Variants in TNRC6A observed in about 807,000 individuals in gnomAD.
TNRC6A encodes the protein trinucleotide repeat-containing gene 6A protein.
Under a neutral mutation model 221.2 loss-of-function variants are expected in TNRC6A, and 44 were observed. The ratio of observed to expected loss-of-function variants is 0.20; its 90% CI spans 0.16 to 0.26. The LOEUF is 0.26. Among genes scored for constraint, TNRC6A ranks in the 10% least tolerant of loss-of-function variants. The pLI, the probability that TNRC6A is intolerant of heterozygous loss-of-function variation, is 1.00. For synonymous variants in TNRC6A, 847 were observed against 838.5 expected (o/e 1.01, Z -0.18); for missense variants, 2,199 against 2,404.4 (o/e 0.91, Z 1.79).
At position 24,722,978 on chromosome 16, in the gene TNRC6A, G is replaced by A. The variant is rs149783591; in HGVS notation, n.403-27748G>A. ...CTAAGTGACTGGTGGTGTTATTACC[G>A]ACTTGGGGGAAAACTGGGAAAGGGT... is the stretch of plus-strand genomic sequence containing the variant. On this transcript the variant is annotated intron_variant and non_coding_transcript_variant, in intron 2 of 2. Transcript: ENST00000566108. 4.5e-3 allele frequency among the ~76,000 whole-genome samples: 688 copies of A among 152,198 alleles called. 3 individuals are homozygous for A. The highest frequency in any genetic ancestry group is 0.014 in the Middle Eastern group (4 of 294).
At chr16:24,691,094 G>A (rs1048868782) in intron 2 of TNRC6A, among the ~76,000 whole-genome samples, 1 of 152,166 alleles carries the variant, frequency 6.6e-6, no homozygotes, top group African/African-American at 2.4e-5. Flanking sequence ...ACAGGCCTGA[G>A]CCACCGCACC....
Position 24,823,574 on chromosome 16 carries a change from G to A in TNRC6A, c.5656G>A (p.Asp1886Asn), listed in dbSNP as rs776918603. Reference sequence around the variant, plus strand: ...CAGCCAGAGCCGGCTGGGCTCCCTCGACTGTTCCCACTCATTCTCCAGCCG... The same window carrying A: ...CAGCCAGAGCCGGCTGGGCTCCCTCAACTGTTCCCACTCATTCTCCAGCCG... ...GSSQSRLGSL[D>N]CSHSFSSRTD... The change falls in exon 25 of 25, where the codon GAC becomes AAC. Residue 1886 changes from aspartate (D) to asparagine (N), a missense_variant. Physicochemically the swap from Asp to Asn is conservative, Grantham distance 23. Coordinates refer to ENST00000395799, the MANE Select transcript of TNRC6A (RefSeq NM_014494.4). The surrounding 1 kb of genome is among the most constrained non-coding windows in gnomAD (Gnocchi z 4.3). The A allele has an allele frequency of 9.3e-6, 15 of 1,613,950 alleles. No homozygotes were observed. The highest frequency in any genetic ancestry group is 3.3e-5 in the Admixed American group (2 of 59,992).
intron 1 of TNRC6A, among the ~76,000 whole-genome samples, chr16:24,617,578 C>T (rs945481003): frequency 4.6e-5 from 7 of 152,132 alleles, no homozygotes; most frequent in African/African-American, 1.7e-4. Flanking sequence ...ATAGCACTTA[C>T]CCTGTGTCAA....
chr16:24,798,037 A>G (rs1169189017), intron 11 of TNRC6A, 71 bp downstream of exon 11: 11 of 1,395,208 alleles, frequency 7.9e-6, no homozygotes, highest in Non-Finnish European at 1.1e-5. Context: ...ATTCTACTGA[A>G]AGAGCCCTGA....
intron 4 of TNRC6A, among the ~76,000 whole-genome samples, chr16:24,761,625 G>A (rs537387266): frequency 4.6e-5 from 7 of 151,886 alleles, no homozygotes; most frequent in South Asian, 2.1e-4. Flanking sequence ...AGCTCACTGC[G>A]GCCTTGAACT....
At chr16:24,686,088 C>T (rs1027470261) in intron 2 of TNRC6A, among the ~76,000 whole-genome samples, 2 of 152,158 alleles carry the variant, frequency 1.3e-5, no homozygotes, top group African/African-American at 4.8e-5. Flanking sequence ...GACCTGGCTT[C>T]GTGGGGGTTA....
chr16:24,737,076 G>C (rs1251115482), intron 2 of TNRC6A, among the ~76,000 whole-genome samples: 1 of 152,048 alleles, frequency 6.6e-6, no homozygotes, highest in African/African-American at 2.4e-5. Context: ...CCAGACCAAG[G>C]GTTCTCATCC....
Position 24,656,130 on chromosome 16 carries a change from A to G in TNRC6A, n.402+15121A>G, listed in dbSNP as rs572599813. Among the ~76,000 whole-genome samples, 6 of 147,198 alleles carry G rather than the reference A, an allele frequency of 4.1e-5. No homozygotes were observed. The East Asian group carries it at 1.2e-3, about 29-fold the overall frequency. On this transcript the variant is annotated intron_variant and non_coding_transcript_variant, in intron 2 of 2. Coordinates refer to the TNRC6A transcript ENST00000566108. ...GCACTCTAGCCAGGGTGACAGAACA[A>G]GACCTTGTCTCAAAAAAAAAAAAAA...
chr16:24,618,275 A>T (rs965145824), intron 1 of TNRC6A, among the ~76,000 whole-genome samples: 1 of 152,178 alleles, frequency 6.6e-6, no homozygotes, highest in African/African-American at 2.4e-5. Flanking sequence ...TAATTACAGA[A>T]AACATCAATT....
In TNRC6A at chr16:24,682,389, C is replaced by CTTTTT. The variant is rs563276976; in HGVS notation, n.402+41393_402+41397dup. ...TACAGGCGTGCACCACCACGCCCAG[C>CTTTTT]TTTTTTTTTTTTTTTTTCAGTAGAG... On this transcript the variant is annotated intron_variant and non_coding_transcript_variant, in intron 2 of 2. Transcript: ENST00000566108. 4.6e-5 allele frequency among the ~76,000 whole-genome samples: 6 copies of CTTTTT among 130,404 alleles called. No homozygotes were observed. The East Asian group carries it at 6.8e-4, about 15-fold the overall frequency. The allele number at this position is 130,404 out of a possible 152,430, so 85.6% of individuals were successfully genotyped here.
chr16:24,682,825 C>T (rs1025448964), intron 2 of TNRC6A, among the ~76,000 whole-genome samples: 15 of 152,142 alleles, frequency 9.9e-5, no homozygotes, highest in Admixed American at 3.9e-4. Flanking sequence ...TGGTCAAAAC[C>T]AATGGGAAGC....
chr16:24,726,173 C>T (rs574080412), upstream of TNRC6A, among the ~76,000 whole-genome samples: 4 of 151,950 alleles, frequency 2.6e-5, no homozygotes, highest in Admixed American at 6.6e-5. Flanking sequence ...GGTGAGACAA[C>T]GGTTAAGGTT....
At chr16:24,814,398 CT>C (rs889327247) in intron 18 of TNRC6A, among the ~76,000 whole-genome samples, 33 of 80,298 alleles carry the variant, frequency 4.1e-4, no homozygotes, top group South Asian at 2.1e-3. Context: ...TTTTTCTTTT[CT>C]TTTTTTTTTC....
rs150255717 is a variant in TNRC6A at position 24,689,782 on chromosome 16, C to T, written n.402+48773C>T. ...GAAAAAAAAATTTGAGACAGGGTCT[C>T]ACTTGTTGCCTAGGCTAAAATGCAG... On this transcript the variant is annotated intron_variant and non_coding_transcript_variant, in intron 2 of 2. Coordinates refer to the TNRC6A transcript ENST00000566108. Among the ~76,000 whole-genome samples, 608 of 152,026 alleles carry T rather than the reference C, an allele frequency of 4.0e-3. 1 individual carries two copies. Among genetic ancestry groups the T allele is most frequent in the Middle Eastern group, 0.014 (4 of 294 alleles).
chr16:24,768,998 A>G (rs190439482), intron 4 of TNRC6A, among the ~76,000 whole-genome samples: 1 of 152,326 alleles, frequency 6.6e-6, no homozygotes, highest in African/African-American at 2.4e-5. Context: ...TATTTTCTGA[A>G]ATCAGTTTAT....
At chr16:24,813,033 G>A (rs367669556) in intron 18 of TNRC6A, among the ~76,000 whole-genome samples, 43 of 151,790 alleles carry the variant, frequency 2.8e-4, no homozygotes, top group African/African-American at 1.0e-3. Flanking sequence ...GCACTGCCAC[G>A]CCTGGCTAGT....
At chr16:24,662,059 T>C (rs981487833) in intron 2 of TNRC6A, 2 of 152,108 alleles carry the variant, frequency 1.3e-5, no homozygotes, top group African/African-American at 2.4e-5. Context: ...AGATACTGCC[T>C]CTAAAAACCA....
intron 21 of TNRC6A, among the ~76,000 whole-genome samples, chr16:24,819,434 TC>T (rs2058720827): frequency 6.6e-6 from 1 of 152,080 alleles, no homozygotes; most frequent in Non-Finnish European, 1.5e-5. Flanking sequence ...TTTTCTTTCT[TC>T]CTTCCTTTCC....
chr16:24,796,028 G>A, intron 9 of TNRC6A, 89 bp downstream of exon 9: 1 of 1,444,750 alleles, frequency 6.9e-7, no homozygotes, highest in African/African-American at 1.4e-5. Flanking sequence ...CCTCTGCTGT[G>A]TGCCAGGTAC....
Sources: gnomAD v4.1 joint callset for allele counts (sites outside exome capture counted in the v4.1 genomes callset) on GRCh38, gnomAD v4.1.1 for gene constraint, Gnocchi (gnomAD v3.1) non-coding constraint, MANE v1.5 for transcripts, NCBI Gene and HGNC (gene_info 2026-07-23, HGNC 2026-07-21) for gene names.